ZMYM2: variants seen among roughly 807,000 people sequenced by gnomAD.
The protein encoded by ZMYM2 is zinc finger MYM-type protein 2.
A neutral mutation model predicts 162.8 loss-of-function variants in ZMYM2; 56 were observed. The observed-to-expected ratio is 0.34, with a 90% confidence interval of 0.28 to 0.43. The LOEUF (loss-of-function observed/expected upper bound fraction) is 0.43. Among genes scored for constraint, ZMYM2 ranks in the 20% least tolerant of loss-of-function variants. The pLI, the probability that ZMYM2 is intolerant of heterozygous loss-of-function variation, is 1.00. For synonymous variants in ZMYM2, 510 were observed against 541.6 expected (o/e 0.94, Z 0.81); for missense variants, 1,275 against 1,621.8 (o/e 0.79, Z 3.67).
the ZMYM2 span, among the ~76,000 whole-genome samples, chr13:19,923,022 CAAAA>C: frequency 1.1e-5 from 1 of 94,534 alleles, no homozygotes; most frequent in Non-Finnish European, 2.1e-5. Context: ...GACTCCATCT[CAAAA>C]AAAAAAAAAA....
At chr13:19,965,566 T>C (rs953781143) in intron 2 of ZMYM2, among the ~76,000 whole-genome samples, 1 of 152,204 alleles carries the variant, frequency 6.6e-6, no homozygotes, top group African/African-American at 2.4e-5. Flanking sequence ...TGGCTCTGCT[T>C]GGAAGAGCAT....
chr13:20,051,739 A>T (rs1393867758), intron 13 of ZMYM2, 141 bp downstream of exon 13: 5 of 768,824 alleles, frequency 6.5e-6, no homozygotes, highest in Admixed American at 7.1e-5. Flanking sequence ...TCTGGGTCGA[A>T]GTACCCTTGT....
chr13:20,005,118 C>T lies in ZMYM2; in HGVS notation c.1178C>T (p.Ser393Leu). 6.2e-7 allele frequency: 1 copy of T among 1,607,394 alleles called. No homozygotes were observed. The highest frequency in any genetic ancestry group is 8.5e-7 in the Non-Finnish European group (1 of 1,177,760). The change falls in exon 5 of 25, where the codon TCA becomes TTA. Residue 393 changes from serine to leucine, a missense_variant. Transcript: ENST00000610343. ...GGAACCATTGTTGCTCAAGTGGATT[C>T]AAGTGAGTCCTTCCAGGAATTCTGT... The part of the protein sequence containing the change: ...MKGTIVAQVD[S>L]SESFQEFCST...
chr13:19,921,171 G>T, the ZMYM2 span, among the ~76,000 whole-genome samples: 2 of 150,948 alleles, frequency 1.3e-5, no homozygotes, highest in Non-Finnish European at 3.0e-5. Context: ...ACGGAGTCTT[G>T]CTCTATTGCC....
intron 12 of ZMYM2, among the ~76,000 whole-genome samples, chr13:20,037,767 G>A (rs1953865307): frequency 6.6e-6 from 1 of 152,002 alleles, no homozygotes; most frequent in African/African-American, 2.4e-5. Context: ...TAGGTTCAGG[G>A]GTACATGTGC....
intron 6 of ZMYM2, among the ~76,000 whole-genome samples, chr13:20,012,184 C>CTT (rs903795153): frequency 6.9e-6 from 1 of 145,730 alleles, no homozygotes; most frequent in Non-Finnish European, 1.5e-5. Context: ...CGCCCCTGGT[C>CTT]TTTTTTTTTT....
the ZMYM2 span, among the ~76,000 whole-genome samples, chr13:19,879,615 T>C: frequency 6.6e-6 from 1 of 152,210 alleles, no homozygotes; most frequent in Non-Finnish European, 1.5e-5. Flanking sequence ...AAGATTGTTT[T>C]GGCTATTCAG....
rs1449978689 is a variant in ZMYM2, at chr13:20,079,343, AGG to A, written c.3454-2672_3454-2671del. Reference sequence around the variant, plus strand: ...AAAAAAAAAAAAAAAAAAAAAAAAAAGGATACTTAATGAATTCAAATCCCATA... The same window carrying A: ...AAAAAAAAAAAAAAAAAAAAAAAAAAATACTTAATGAATTCAAATCCCATA... On this transcript the variant is annotated intron_variant, in intron 21 of 24. Coordinates refer to ENST00000610343, the MANE Select transcript of ZMYM2 (RefSeq NM_197968.4). Among the ~76,000 whole-genome samples, 380 of 83,362 alleles carry A rather than the reference AGG, an allele frequency of 4.6e-3. 36 individuals are homozygous for A. The highest frequency in any genetic ancestry group is 0.015 in the Middle Eastern group (2 of 134). The allele number at this position is 83,362 out of a possible 152,430, so 54.7% of individuals were successfully genotyped here. A position where few individuals can be genotyped will look rare whatever the true frequency, so the allele number is the denominator to read the frequency against.
At chr13:20,007,621 T>TC (rs1950847934) in intron 6 of ZMYM2, among the ~76,000 whole-genome samples, 1 of 33,420 alleles carries the variant, frequency 3.0e-5, no homozygotes, top group Non-Finnish European at 1.0e-4. Context: ...CCCTCTTTAG[T>TC]TTTTTTTTTT....
intron 7 of ZMYM2, among the ~76,000 whole-genome samples, chr13:20,022,469 A>G (rs571895937): frequency 6.6e-6 from 1 of 152,182 alleles, no homozygotes; most frequent in African/African-American, 2.4e-5. Context: ...AGGTTTCTCC[A>G]GGGTAAAGTT....
chr13:19,905,575 G>A, the ZMYM2 span, among the ~76,000 whole-genome samples: 1 of 152,288 alleles, frequency 6.6e-6, no homozygotes, highest in Non-Finnish European at 1.5e-5. Context: ...GACAGCCCTT[G>A]TGCCCCAGAG....
chr13:19,889,688 T>C, the ZMYM2 span, among the ~76,000 whole-genome samples: 1 of 151,932 alleles, frequency 6.6e-6, no homozygotes, highest in Non-Finnish European at 1.5e-5. Context: ...CTCTTGTGCC[T>C]TTTAGTGCTT....
chr13:20,051,341 G>T lies in ZMYM2; in HGVS notation c.2293-92G>T, dbSNP rs935504349. 4.5e-5 allele frequency: 60 copies of T among 1,329,596 alleles called. 1 individual carries two copies. The highest frequency in any genetic ancestry group is 5.8e-5 in the Non-Finnish European group (57 of 974,620). 82.4% of individuals were successfully genotyped at this position (1,329,596 alleles called of 1,614,324 possible). A position where few individuals can be genotyped will look rare whatever the true frequency, so the allele number is the denominator to read the frequency against. ...GTTCTACTTTTTCTGTATCAGTCAC[G>T]GTTTTATCACATTTGGCAATAATCA... On this transcript the variant is annotated intron_variant, in intron 12 of 24. Coordinates refer to ENST00000610343, the MANE Select transcript of ZMYM2 (RefSeq NM_197968.4).
chr13:19,989,670 A>C (rs1457216673), intron 2 of ZMYM2, among the ~76,000 whole-genome samples: 1 of 152,216 alleles, frequency 6.6e-6, no homozygotes, highest in Non-Finnish European at 1.5e-5. Flanking sequence ...CAAATAATCC[A>C]GTTATACTCT....
At chr13:19,992,648 A>G (rs546047240) in intron 2 of ZMYM2, among the ~76,000 whole-genome samples, 1 of 152,152 alleles carries the variant, frequency 6.6e-6, no homozygotes, top group Non-Finnish European at 1.5e-5. Flanking sequence ...TAAGTGTATA[A>G]TGAAGTAATT....
At chr13:19,997,684 G>T (rs937252427) in intron 3 of ZMYM2, among the ~76,000 whole-genome samples, 1 of 152,008 alleles carries the variant, frequency 6.6e-6, no homozygotes, top group African/African-American at 2.4e-5. Flanking sequence ...TTTTAAAATA[G>T]CTATTTTTTC....
At chr13:20,084,792 A>G (rs1377793354) in intron 24 of ZMYM2, among the ~76,000 whole-genome samples, 3 of 152,228 alleles carry the variant, frequency 2.0e-5, no homozygotes, top group Non-Finnish European at 4.4e-5. Context: ...GAAGGTCAGC[A>G]TGAATTCAAA....
rs1956754140 is a variant in ZMYM2 at position 20,067,306 on chromosome 13, T to C, written c.3369T>C (p.Ala1123=). ...HTTAELNYGL[A]HFVNEIRRPN... ...CAGCTGAGCTTAACTATGGGTTAGC[T>C]CATTTTGTCAATGAGATCCGACGGC... The change falls in exon 21 of 25, where the codon GCT becomes GCC. Residue 1123 remains alanine, a synonymous_variant. Transcript: ENST00000610343. 1 of 1,604,506 alleles carries C rather than the reference T, an allele frequency of 6.2e-7. No homozygotes were observed. The highest frequency in any genetic ancestry group is 1.7e-5 in the Admixed American group (1 of 58,788).
chr13:20,037,093 CT>C (rs550546383), intron 12 of ZMYM2, among the ~76,000 whole-genome samples, 184 bp downstream of exon 12: 510 of 151,482 alleles, frequency 3.4e-3, no homozygotes, highest in Non-Finnish European at 6.2e-3. Flanking sequence ...ATTTTTATCT[CT>C]TTTTTTAATA....
Sources: allele counts gnomAD v4.1 joint callset (sites outside exome capture counted in the v4.1 genomes callset), GRCh38; gene constraint gnomAD v4.1.1; transcripts MANE v1.5; gene names NCBI Gene and HGNC (gene_info 2026-07-23, HGNC 2026-07-21).